The following EVI5 variants were observed in gnomAD, a reference collection of about 807,000 sequenced individuals.
The protein encoded by EVI5 is ecotropic viral integration site 5.
In EVI5, 73 loss-of-function variants were observed where a neutral mutation model predicts 112.0. That is an observed-to-expected ratio of 0.65 (90% CI 0.54 to 0.79). The LOEUF (loss-of-function observed/expected upper bound fraction) is 0.79, where lower values mean the gene tolerates loss of function less well. Ranked by LOEUF, EVI5 falls within the 30% of genes least tolerant of loss-of-function variation. The pLI is 0.00. For synonymous variants in EVI5, 305 were observed against 319.9 expected (o/e 0.95, Z 0.50); for missense variants, 900 against 968.8 (o/e 0.93, Z 0.94).
intron 2 of EVI5, among the ~76,000 whole-genome samples, chr1:92,717,552 C>T (rs1021953988): frequency 2.0e-5 from 3 of 152,202 alleles, no homozygotes; most frequent in Non-Finnish European, 2.9e-5. Flanking sequence ...AAGCACTAAA[C>T]ATGGAAAGGA....
At chr1:92,544,852 T>C (rs1239412853) in intron 19 of EVI5, among the ~76,000 whole-genome samples, 4 of 152,220 alleles carry the variant, frequency 2.6e-5, no homozygotes. Context: ...GCAAACCACA[T>C]GACCTCATGA....
chr1:92,512,580 T>C lies in EVI5; in HGVS notation c.*1076A>G, dbSNP rs1405912763. On this transcript the variant is annotated 3_prime_UTR_variant, in exon 20 of 20. Transcript: ENST00000684568. ...TGTATGTTCTTCATATAAAATGATG[T>C]TCAATGTTAGGTGGTACAGATTTAT... 1 of 152,230 alleles carries C rather than the reference T, an allele frequency of 6.6e-6. No individual in the cohort carries two copies. The highest frequency in any genetic ancestry group is 1.5e-5 in the Non-Finnish European group (1 of 68,030). 9.4% of individuals were successfully genotyped at this position (152,230 alleles called of 1,614,324 possible). A position where few individuals can be genotyped will look rare whatever the true frequency, so the allele number is the denominator to read the frequency against.
intron 6 of EVI5, among the ~76,000 whole-genome samples, chr1:92,696,816 T>C (rs998244202): frequency 6.6e-6 from 1 of 152,014 alleles, no homozygotes; most frequent in Non-Finnish European, 1.5e-5. Flanking sequence ...AGGCGGGCGG[T>C]TCATGAGGTC....
chr1:92,595,335 T>G (rs1352781503), intron 18 of EVI5, among the ~76,000 whole-genome samples: 1 of 151,440 alleles, frequency 6.6e-6, no homozygotes, highest in Non-Finnish European at 1.5e-5. Flanking sequence ...AAACACCGCA[T>G]GTTCTCACTC....
chr1:92,760,628 A>G (rs763915215), intron 1 of EVI5, among the ~76,000 whole-genome samples: 1 of 151,736 alleles, frequency 6.6e-6, no homozygotes, highest in African/African-American at 2.4e-5. Flanking sequence ...CAGCTTCTTG[A>G]GACGCTAAGG....
At chr1:92,561,666 A>T (rs6697978) in intron 19 of EVI5, among the ~76,000 whole-genome samples, 4,384 of 108,716 alleles carry the variant, frequency 0.04, 81 homozygotes, top group Admixed American at 0.049. Context: ...TCTATCTATC[A>T]GAGTCTCACT....
chr1:92,792,278 T>C, intron 1 of EVI5: 1 of 1,035,346 alleles, frequency 9.7e-7, no homozygotes, highest in Non-Finnish European at 1.5e-6. Context: ...ACAAATTACT[T>C]TCTGTTACAG....
intron 9 of EVI5, among the ~76,000 whole-genome samples, chr1:92,679,434 A>G (rs1352021478): frequency 6.6e-6 from 1 of 152,226 alleles, no homozygotes; most frequent in Non-Finnish European, 1.5e-5. Flanking sequence ...ACTCTGAAGT[A>G]GTTATCATTA....
intron 19 of EVI5, 149 bp from the exon 20 acceptor site, chr1:92,514,119 A>G (rs908170438): frequency 9.1e-5 from 35 of 386,412 alleles, no homozygotes; most frequent in Admixed American, 2.7e-4. Flanking sequence ...AGTGCCTTCT[A>G]TGTGTTATAT....
chr1:92,726,732 G>A (rs1353421973), intron 2 of EVI5, among the ~76,000 whole-genome samples: 1 of 152,038 alleles, frequency 6.6e-6, no homozygotes, highest in African/African-American at 2.4e-5. Flanking sequence ...ATGTAGTGTA[G>A]AGTTTATAAC....
At chr1:92,537,011 C>G (rs1322508145) in intron 19 of EVI5, among the ~76,000 whole-genome samples, 1 of 151,794 alleles carries the variant, frequency 6.6e-6, no homozygotes, top group Non-Finnish European at 1.5e-5. Flanking sequence ...AAAATTTCCC[C>G]TGTGTGTGAC....
chr1:92,759,855 A>ACC (rs370589975), intron 1 of EVI5, among the ~76,000 whole-genome samples: 79 of 105,236 alleles, frequency 7.5e-4, no homozygotes, highest in South Asian at 1.8e-3. Context: ...ATATACAAAT[A>ACC]CCCTCCCCCC....
intron 2 of EVI5, among the ~76,000 whole-genome samples, chr1:92,707,280 A>G (rs936899703): frequency 6.6e-6 from 1 of 152,030 alleles, no homozygotes; most frequent in Admixed American, 6.5e-5. Context: ...CTACAAAAGA[A>G]AAAATTGATT....
chr1:92,608,349 G>C (rs753216648), intron 16 of EVI5, among the ~76,000 whole-genome samples: 32 of 152,114 alleles, frequency 2.1e-4, no homozygotes, highest in Non-Finnish European at 3.4e-4. Context: ...AAAATGGATA[G>C]ATACAGGAAT....
At chr1:92,603,172 T>C (rs1649558241) in intron 18 of EVI5, among the ~76,000 whole-genome samples, 1 of 152,174 alleles carries the variant, frequency 6.6e-6, no homozygotes. Context: ...ATTAGGATGG[T>C]ACTTATAAAA....
In EVI5 at chr1:92,563,665, G is replaced by C; in HGVS notation, c.2143C>G (p.Gln715Glu). The C allele has an allele frequency of 6.3e-7, 1 of 1,596,750 alleles. No individual in the cohort carries two copies. The highest frequency in any genetic ancestry group is 1.3e-5 in the African/African-American group (1 of 74,630). ...ACCTCATGATTCAGCTCTGCTATCT[G>C]ATCTTTCAGTTCCCCAATATACTGG... is the stretch of plus-strand genomic sequence containing the variant. Reference protein sequence around the residue: ...SNQYIGELKDQIAELNHELRC... With the variant: ...SNQYIGELKDEIAELNHELRC... Residue 715 changes from glutamine (Q) to glutamate (E), a missense_variant, in exon 19 of 20, where the codon CAG (glutamine) becomes GAG (glutamate). Transcript: ENST00000684568.
intron 9 of EVI5, among the ~76,000 whole-genome samples, chr1:92,681,700 G>A (rs1667614784): frequency 6.6e-6 from 1 of 152,166 alleles, no homozygotes; most frequent in Non-Finnish European, 1.5e-5. Flanking sequence ...CCCATGAGGA[G>A]GACAATAACC....
In EVI5 at chr1:92,624,277, T is replaced by A; in HGVS notation, c.1726A>T (p.Asn576Tyr). The A allele has an allele frequency of 6.2e-7, 1 of 1,613,314 alleles. No individual in the cohort carries two copies. The highest frequency in any genetic ancestry group is 8.5e-7 in the Non-Finnish European group (1 of 1,179,312). ...WKDPPKKNAM[N>Y]ELQDELMTIR... ...GTCATCAGTTCATCTTGTAACTCATTCATAGCATTTTTCTTGGGTGGGTCT... is the reference window on the plus strand; with the variant it reads ...GTCATCAGTTCATCTTGTAACTCATACATAGCATTTTTCTTGGGTGGGTCT... The change falls in exon 16 of 20, where the codon AAT becomes TAT. Residue 576 changes from asparagine (N) to tyrosine (Y), a missense_variant. Transcript: ENST00000684568.
intron 18 of EVI5, among the ~76,000 whole-genome samples, chr1:92,576,903 A>G (rs147122248): frequency 3.9e-5 from 6 of 152,320 alleles, no homozygotes; most frequent in East Asian, 3.9e-4. Context: ...CTGGAATAAC[A>G]TGGGGAGCAT....
Sources: gnomAD v4.1 joint callset for allele counts (sites outside exome capture counted in the v4.1 genomes callset) on GRCh38, gnomAD v4.1.1 for gene constraint, MANE v1.5 for transcripts, NCBI Gene and HGNC (gene_info 2026-07-23, HGNC 2026-07-21) for gene names.